Variants in SLC5A4 observed in about 807,000 individuals in gnomAD.
SLC5A4 encodes the protein solute carrier family 5 member 4, also known as probable glucose sensor protein SLC5A4.
Under a neutral mutation model 70.3 loss-of-function variants are expected in SLC5A4, and 55 were observed. The ratio of observed to expected loss-of-function variants is 0.78; its 90% CI spans 0.63 to 0.98. The LOEUF (loss-of-function observed/expected upper bound fraction) is 0.98, where lower values mean the gene tolerates loss of function less well. Among genes scored for constraint, SLC5A4 ranks in the 50% least tolerant of loss-of-function variants. The pLI is 0.00. For synonymous variants in SLC5A4, 268 were observed against 305.7 expected, an observed-to-expected ratio of 0.88 and a Z score of 1.29; for missense variants, 735 against 839.2, an observed-to-expected ratio of 0.88 and a Z score of 1.53.
At chr22:32,323,509 T>C in the SLC5A4 span, among the ~76,000 whole-genome samples, 3 of 152,336 alleles carry the variant, frequency 2.0e-5, no homozygotes, top group African/African-American at 7.2e-5. Flanking sequence ...GAATGTGACA[T>C]GGACTCATTC....
chr22:32,279,127 T>C, the SLC5A4 span, among the ~76,000 whole-genome samples: 2 of 152,020 alleles, frequency 1.3e-5, no homozygotes, highest in Non-Finnish European at 2.9e-5. Flanking sequence ...ATACAAAAAA[T>C]TAGCCGGGCG....
At chr22:32,319,737 G>T in the SLC5A4 span, among the ~76,000 whole-genome samples, 6 of 152,136 alleles carry the variant, frequency 3.9e-5, no homozygotes, top group African/African-American at 1.4e-4. Flanking sequence ...GTGAGCCCTT[G>T]GCCACATGTT....
At chr22:32,262,200 G>T in the SLC5A4 span, among the ~76,000 whole-genome samples, 1 of 152,206 alleles carries the variant, frequency 6.6e-6, no homozygotes, top group Non-Finnish European at 1.5e-5. Flanking sequence ...CAGTGGGATT[G>T]CTGGATCACA....
At chr22:32,311,144 G>T in the SLC5A4 span, among the ~76,000 whole-genome samples, 1 of 152,182 alleles carries the variant, frequency 6.6e-6, no homozygotes, top group Non-Finnish European at 1.5e-5. Context: ...GTCCACGAGG[G>T]TCTCACTCAC....
At chr22:32,334,472 C>T in the SLC5A4 span, among the ~76,000 whole-genome samples, 2 of 152,234 alleles carry the variant, frequency 1.3e-5, no homozygotes, top group African/African-American at 2.4e-5. Context: ...TGTGTCCCCC[C>T]ACTGCCTGGG....
chr22:32,306,475 AAAC>A, the SLC5A4 span, among the ~76,000 whole-genome samples: 3,756 of 150,564 alleles, frequency 0.025, 156 homozygotes, highest in African/African-American at 0.086. Flanking sequence ...CAAAAAAAAA[AAAC>A]AAAAACTACT....
the SLC5A4 span, among the ~76,000 whole-genome samples, chr22:32,305,338 T>C: frequency 7.7e-6 from 1 of 130,566 alleles, no homozygotes; most frequent in Non-Finnish European, 1.6e-5. Context: ...TCCTAATCCT[T>C]GTGCCTCTGT....
the SLC5A4 span, among the ~76,000 whole-genome samples, chr22:32,286,096 C>G: frequency 2.6e-5 from 4 of 152,042 alleles, no homozygotes; most frequent in African/African-American, 9.7e-5. Flanking sequence ...GGCTAGGTAG[C>G]CTGTTATGCC....
At chr22:32,219,002 G>A (rs1032188880) in intron 14 of SLC5A4, among the ~76,000 whole-genome samples, 4 of 152,088 alleles carry the variant, frequency 2.6e-5, no homozygotes, top group African/African-American at 7.2e-5. Flanking sequence ...TATATAATGG[G>A]TTTCTAAAAA....
chr22:32,290,082 TCTTTTTA>T, the SLC5A4 span, among the ~76,000 whole-genome samples: 3 of 124,796 alleles, frequency 2.4e-5, no homozygotes, highest in Non-Finnish European at 3.5e-5. Flanking sequence ...TTTCTTTTTT[TCTTTTTA>T]CTTTTATTTT....
the SLC5A4 span, among the ~76,000 whole-genome samples, chr22:32,313,054 GA>G: frequency 6.6e-6 from 1 of 151,706 alleles, no homozygotes; most frequent in African/African-American, 2.4e-5. Flanking sequence ...AATAAGGCAA[GA>G]AAAAAAAGCA....
chr22:32,281,492 C>T, the SLC5A4 span, among the ~76,000 whole-genome samples: 2 of 152,196 alleles, frequency 1.3e-5, no homozygotes, highest in Non-Finnish European at 2.9e-5. Context: ...CTAGCACCAG[C>T]ATTCATGCAC....
At chr22:32,313,759 A>C in the SLC5A4 span, among the ~76,000 whole-genome samples, 2 of 152,236 alleles carry the variant, frequency 1.3e-5, no homozygotes, top group African/African-American at 4.8e-5. Flanking sequence ...AGGGGTGGTC[A>C]CATGACCCAG....
the SLC5A4 span, among the ~76,000 whole-genome samples, chr22:32,303,586 T>C: frequency 1.5e-5 from 2 of 136,052 alleles, no homozygotes; most frequent in African/African-American, 5.4e-5. Flanking sequence ...TTGGCTTCTT[T>C]CACTCAGTAA....
chr22:32,248,777 C>T lies in SLC5A4; in HGVS notation c.338G>A (p.Gly113Glu). The T allele has an allele frequency of 6.2e-7, 1 of 1,613,062 alleles. No homozygotes were observed. The part of the protein sequence containing the change: ...WTSSVMLLIL[G>E]WIFVPIYIKS... ...GATGTAGATAGGGACAAAGATCCAC[C>T]CAAGAATCAGCAACATTACTGAGGA... The change falls in exon 4 of 15, where the codon GGG (glycine) becomes GAG (glutamate). Residue 113 changes from glycine (G) to glutamate (E), a missense_variant. Physicochemically the swap from Gly to Glu is moderately conservative, Grantham distance 98. Transcript: ENST00000266086.
At chr22:32,319,767 A>T in the SLC5A4 span, among the ~76,000 whole-genome samples, 1 of 152,144 alleles carries the variant, frequency 6.6e-6, no homozygotes, top group Non-Finnish European at 1.5e-5. Flanking sequence ...CCTTTACCTC[A>T]AATGCATTAT....
chr22:32,235,683 G>A (rs934202361), intron 7 of SLC5A4, among the ~76,000 whole-genome samples: 1 of 151,346 alleles, frequency 6.6e-6, no homozygotes, highest in South Asian at 2.1e-4. Flanking sequence ...CAGCCTGTTC[G>A]GGTCTGGAAA....
chr22:32,235,682 C>T (rs921442799), intron 7 of SLC5A4, among the ~76,000 whole-genome samples: 4 of 151,282 alleles, frequency 2.6e-5, no homozygotes, highest in Non-Finnish European at 5.9e-5. Context: ...TCAGCCTGTT[C>T]GGGTCTGGAA....
the SLC5A4 span, among the ~76,000 whole-genome samples, chr22:32,332,680 T>G: frequency 1.8e-4 from 28 of 152,310 alleles, 1 homozygote; most frequent in African/African-American, 6.7e-4. Context: ...ACCTCACTTG[T>G]AGCCTGCCTT....
Sources: gnomAD v4.1 joint callset for allele counts (sites outside exome capture counted in the v4.1 genomes callset) on GRCh38, gnomAD v4.1.1 for gene constraint, MANE v1.5 for transcripts, NCBI Gene and HGNC (gene_info 2026-07-23, HGNC 2026-07-21) for gene names.